DNASE1L3: variants seen among roughly 807,000 people sequenced by gnomAD.
DNASE1L3 encodes the protein deoxyribonuclease 1L3.
In DNASE1L3, 27 loss-of-function variants were observed where a neutral mutation model predicts 30.9. The observed-to-expected ratio is 0.87, with a 90% CI of 0.64 to 1.20. The LOEUF (loss-of-function observed/expected upper bound fraction) is 1.20. Among genes scored for constraint, DNASE1L3 ranks in the 50% most tolerant of loss-of-function variants. DNASE1L3 has a pLI of 0.00. For missense variants in DNASE1L3, 364 were observed against 378.2 expected (o/e 0.96, Z 0.31); for synonymous variants, 135 against 138.0 (o/e 0.98, Z 0.15).
intron 4 of DNASE1L3, among the ~76,000 whole-genome samples, 155 bp from the exon 5 acceptor site, chr3:58,201,264 A>G (rs956598469): frequency 1.3e-5 from 2 of 152,184 alleles, no homozygotes; most frequent in African/African-American, 4.8e-5. Flanking sequence ...CGAGATTTTA[A>G]TGATCTTGGG....
intron 4 of DNASE1L3, among the ~76,000 whole-genome samples, chr3:58,202,317 GTTTTTTTTTTTT>G (rs1171213238): frequency 6.1e-5 from 3 of 48,828 alleles, no homozygotes; most frequent in African/African-American, 1.7e-4. Context: ...GGCTAGCTTT[GTTTTTTTTTTTT>G]TTTTTTTTTT....
chr3:58,205,139 C>T (rs1172266208), intron 3 of DNASE1L3, among the ~76,000 whole-genome samples: 1 of 152,188 alleles, frequency 6.6e-6, no homozygotes, highest in African/African-American at 2.4e-5. Flanking sequence ...AAATTACTAG[C>T]AGGAAGAGGA....
Position 58,200,378 on chromosome 3 carries a change from G to A in DNASE1L3, c.546+619C>T, listed in dbSNP as rs777337487. 6.6e-6 allele frequency among the ~76,000 whole-genome samples: 1 copy of A among 152,172 alleles called. No individual in the cohort carries two copies. The highest frequency in any genetic ancestry group is 6.5e-5 in the Admixed American group (1 of 15,280). On this transcript the variant is annotated intron_variant, in intron 5 of 7. Coordinates refer to ENST00000394549, the MANE Select transcript of DNASE1L3 (RefSeq NM_004944.4). The surrounding 1 kb of genome is among the most constrained non-coding windows in gnomAD (Gnocchi z 4.2). ...TTATTTTGGTCTGGAGGCTGCTGGT[G>A]GCTGTCCTGCCATCCCAGGGATGGA...
At chr3:58,198,409 C>T (rs1000836694) in intron 5 of DNASE1L3, among the ~76,000 whole-genome samples, 1 of 152,202 alleles carries the variant, frequency 6.6e-6, no homozygotes, top group Non-Finnish European at 1.5e-5. Context: ...ACTCCAGCCT[C>T]CAGAACGGTG....
chr3:58,210,507 T>C (rs142139600), intron 1 of DNASE1L3, among the ~76,000 whole-genome samples: 1 of 152,362 alleles, frequency 6.6e-6, no homozygotes, highest in Non-Finnish European at 1.5e-5. Flanking sequence ...GAACGTATAA[T>C]GAGCCAGATA....
At chr3:58,208,064 G>T in intron 2 of DNASE1L3, 154 bp downstream of exon 2, 1 of 619,028 alleles carries the variant, frequency 1.6e-6, no homozygotes. Flanking sequence ...AAGTTCTCAG[G>T]ACCGTGGCTA....
intron 2 of DNASE1L3, 96 bp from the exon 3 acceptor site, chr3:58,205,656 G>T: frequency 9.9e-7 from 1 of 1,012,700 alleles, no homozygotes; most frequent in Non-Finnish European, 1.5e-6. Context: ...ACGCCCAATG[G>T]CATCATGTGG....
At chr3:58,209,315 T>G (rs777608105) in intron 1 of DNASE1L3, among the ~76,000 whole-genome samples, 1 of 152,084 alleles carries the variant, frequency 6.6e-6, no homozygotes, top group Non-Finnish European at 1.5e-5. Context: ...GCCCCCATGA[T>G]GGACTCACCA....
At chr3:58,205,657 C>T (rs1343918321) in intron 2 of DNASE1L3, 97 bp from the exon 3 acceptor site, 13 of 1,013,722 alleles carry the variant, frequency 1.3e-5, no homozygotes, top group Non-Finnish European at 2.0e-5. Context: ...CGCCCAATGG[C>T]ATCATGTGGA....
rs761268539 is a variant in DNASE1L3 at position 58,197,961 on chromosome 3, A to G, written c.564T>C (p.Gly188=). The change falls in exon 6 of 8, where the codon GGT becomes GGC. Residue 188 remains glycine, a synonymous_variant. Coordinates refer to ENST00000394549, the MANE Select transcript of DNASE1L3 (RefSeq NM_004944.4). The surrounding 1 kb of genome is among the most constrained non-coding windows in gnomAD (Gnocchi z 5.3). The stretch of plus-strand genomic sequence containing the variant: ...CGTAGCTGCAGCCGGCATTGAAGTC[A>G]CCCATGAAAATGAAATTCTAAAAGA... ...RWKAENFIFM[G]DFNAGCSYVP... 6 of 1,610,630 alleles carry G rather than the reference A, an allele frequency of 3.7e-6. No individual in the cohort carries two copies. Among genetic ancestry groups the G allele is most frequent in the Non-Finnish European group, 5.1e-6 (6 of 1,178,384 alleles).
chr3:58,209,282 C>G (rs748123123), intron 1 of DNASE1L3, among the ~76,000 whole-genome samples: 2 of 152,150 alleles, frequency 1.3e-5, no homozygotes, highest in Admixed American at 6.6e-5. Context: ...GACACAGCTG[C>G]TCAGGGGAGA....
chr3:58,192,359 C>T lies in DNASE1L3; in HGVS notation c.*328G>A, dbSNP rs1366784932. ...CAGGACCCCTCATGAGGACTGAAAGCTGACGCTCTTCCTCCCCCTGCAGCC... is the reference window on the plus strand; with the variant it reads ...CAGGACCCCTCATGAGGACTGAAAGTTGACGCTCTTCCTCCCCCTGCAGCC... On this transcript the variant is annotated 3_prime_UTR_variant, in exon 8 of 8. Coordinates refer to ENST00000394549, the MANE Select transcript of DNASE1L3 (RefSeq NM_004944.4). The surrounding 1 kb of genome is among the most constrained non-coding windows in gnomAD (Gnocchi z 4.8). 1 of 190,650 alleles carries T rather than the reference C, an allele frequency of 5.2e-6. No homozygotes were observed. The highest frequency in any genetic ancestry group is 5.9e-5 in the Admixed American group (1 of 17,046). 11.8% of individuals were successfully genotyped at this position (190,650 alleles called of 1,614,324 possible). A position where few individuals can be genotyped will look rare whatever the true frequency, so the allele number is the denominator to read the frequency against.
In DNASE1L3 at chr3:58,192,901, G is replaced by T. The variant is rs765144115; in HGVS notation, c.802-98C>A. On this transcript the variant is annotated intron_variant, in intron 7 of 7. Coordinates refer to ENST00000394549, the MANE Select transcript of DNASE1L3 (RefSeq NM_004944.4). This position sits in a 1 kb window ranked among gnomAD's most constrained non-coding sequence, Gnocchi z 4.8. ...CAAATTTAGGACCAGGGAGGGGAGA[G>T]GAAATGCCCGAAGTCACCCCACAGA... 148 of 1,536,606 alleles carry T rather than the reference G, an allele frequency of 9.6e-5. No individual in the cohort carries two copies. The highest frequency in any genetic ancestry group is 1.2e-4 in the Non-Finnish European group (142 of 1,147,456).
chr3:58,202,561 A>T (rs895180680), intron 4 of DNASE1L3, among the ~76,000 whole-genome samples: 1 of 150,536 alleles, frequency 6.6e-6, no homozygotes, highest in Admixed American at 6.6e-5. Flanking sequence ...TTTTCTAGTT[A>T]AAAAAAAATT....
At chr3:58,198,040 G>A (rs996936574) in intron 5 of DNASE1L3, 62 bp from the exon 6 acceptor site, 4 of 1,540,286 alleles carry the variant, frequency 2.6e-6, no homozygotes, top group African/African-American at 2.7e-5. Context: ...TTTCACACTG[G>A]ACTCTAGCAA....
intron 3 of DNASE1L3, 148 bp downstream of exon 3, chr3:58,205,323 A>T: frequency 1.4e-6 from 1 of 738,092 alleles, no homozygotes; most frequent in Non-Finnish European, 2.4e-6. Context: ...AATACTTTGC[A>T]TAGGCCCCTA....
At chr3:58,206,096 C>G (rs1290051713) in intron 2 of DNASE1L3, among the ~76,000 whole-genome samples, 3 of 152,174 alleles carry the variant, frequency 2.0e-5, no homozygotes, top group Non-Finnish European at 4.4e-5. Flanking sequence ...AGCTTTGGGA[C>G]CACGATTTCA....
chr3:58,199,260 G>C (rs9843799), intron 5 of DNASE1L3, among the ~76,000 whole-genome samples: 3,215 of 152,218 alleles, frequency 0.021, 113 homozygotes, highest in African/African-American at 0.073. Flanking sequence ...ATTTACACCT[G>C]GCAGCAATAA....
intron 6 of DNASE1L3, among the ~76,000 whole-genome samples, chr3:58,196,884 A>C (rs949572768): frequency 8.5e-5 from 13 of 152,250 alleles, no homozygotes; most frequent in African/African-American, 3.1e-4. Flanking sequence ...TATGTAGCTA[A>C]AGCTTTAAAA....
Sources: allele counts gnomAD v4.1 joint callset (sites outside exome capture counted in the v4.1 genomes callset), GRCh38; gene constraint gnomAD v4.1.1; non-coding constraint Gnocchi (gnomAD v3.1); transcripts MANE v1.5; gene names NCBI Gene and HGNC (gene_info 2026-07-23, HGNC 2026-07-21).